The following EVC2 variants were observed in gnomAD, a reference collection of about 807,000 sequenced individuals.
EVC2 encodes limbin.
In EVC2, 148 loss-of-function variants were observed where a neutral mutation model predicts 149.3. The ratio of observed to expected loss-of-function variants is 0.99; its 90% confidence interval spans 0.87 to 1.14. EVC2 has a LOEUF of 1.14. EVC2 is among the 50% of genes most tolerant of loss of function. EVC2 has a pLI of 0.00. For missense variants in EVC2, 1,854 were observed against 1,627.3 expected (o/e 1.14, Z -2.40); for synonymous variants, 776 against 649.9 (o/e 1.19, Z -2.95).
chr4:5,606,675 C>T (rs544331696), intron 16 of EVC2, among the ~76,000 whole-genome samples: 33 of 152,022 alleles, frequency 2.2e-4, no homozygotes, highest in African/African-American at 7.7e-4. Context: ...CAGAGAAAAC[C>T]CAATCAATAG....
intron 8 of EVC2, 135 bp downstream of exon 8, chr4:5,665,380 G>A: frequency 7.5e-7 from 1 of 1,326,452 alleles, no homozygotes; most frequent in African/African-American, 1.4e-5. Context: ...TTGGAGGTGG[G>A]CCCTGGGCAT....
chr4:5,584,577 A>G, intron 17 of EVC2, 46 bp downstream of exon 17: 1 of 1,579,532 alleles, frequency 6.3e-7, no homozygotes, highest in Non-Finnish European at 8.6e-7. Context: ...TAGGTACCAG[A>G]AAGACCCAGC....
Position 5,670,263 on chromosome 4 carries a change from C to G in EVC2, c.871-4614G>C, listed in dbSNP as rs1224898004. On this transcript the variant is annotated intron_variant, in intron 7 of 21. Coordinates refer to ENST00000344408, the MANE Select transcript of EVC2 (RefSeq NM_147127.5). This position sits in a 1 kb window ranked among gnomAD's most constrained non-coding sequence, Gnocchi z 5.2. ...TCATAACTATCTTTACCATCACCAT[C>G]ATGATCAACATCTTCATTAACACCA... Among the ~76,000 whole-genome samples, 1 of 152,156 alleles carries G rather than the reference C, an allele frequency of 6.6e-6. No individual in the cohort carries two copies. Among genetic ancestry groups the G allele is most frequent in the East Asian group, 1.9e-4 (1 of 5,194 alleles).
chr4:5,534,056 C>T, the EVC2 span, among the ~76,000 whole-genome samples: 3 of 152,032 alleles, frequency 2.0e-5, no homozygotes, highest in Admixed American at 6.6e-5. Flanking sequence ...TTCTTAAGAG[C>T]GATGAGGAGG....
At chr4:5,675,464 T>C (rs1246223774) in intron 7 of EVC2, among the ~76,000 whole-genome samples, 1 of 152,138 alleles carries the variant, frequency 6.6e-6, no homozygotes, top group African/African-American at 2.4e-5. Context: ...TTTTGTTCCA[T>C]TGGTCTGATG....
At chr4:5,648,773 C>T (rs1195496064) in intron 9 of EVC2, among the ~76,000 whole-genome samples, 1 of 152,116 alleles carries the variant, frequency 6.6e-6, no homozygotes, top group African/African-American at 2.4e-5. Context: ...ATGTTAATCA[C>T]TATAGATAAT....
chr4:5,697,638 A>G lies in EVC2; in HGVS notation c.238T>C (p.Cys80Arg). The change falls in exon 2 of 22, where the codon TGT becomes CGT. Residue 80 changes from cysteine (C) to arginine (R), a missense_variant. Transcript: ENST00000344408. ...CATTCCACTTTGGGCCAAATCATAC[A>G]GGGCAAGTCCTAAAAAATTCAAGAC... Reference protein sequence around the residue: ...GPESSTQDLPCMIWPKVECCH... With the variant: ...GPESSTQDLPRMIWPKVECCH... The G allele has an allele frequency of 6.2e-7, 1 of 1,614,156 alleles. No individual in the cohort carries two copies. The highest frequency in any genetic ancestry group is 8.5e-7 in the Non-Finnish European group (1 of 1,179,996).
chr4:5,659,169 G>C (rs908553200), intron 9 of EVC2, among the ~76,000 whole-genome samples: 2 of 152,242 alleles, frequency 1.3e-5, no homozygotes, highest in South Asian at 4.1e-4. Context: ...TTGAAATGAG[G>C]GGGCAATCAA....
chr4:5,709,393 C>T (rs1368017787), upstream of EVC2: 1 of 152,292 alleles, frequency 6.6e-6, no homozygotes, highest in East Asian at 1.9e-4. Context: ...CGCCAGCCTT[C>T]CTGCGGGGCA....
intron 3 of EVC2, 117 bp from the exon 4 acceptor site, chr4:5,691,450 C>A (rs1472626744): frequency 7.9e-6 from 6 of 764,108 alleles, no homozygotes; most frequent in Non-Finnish European, 1.3e-5. Flanking sequence ...TGCTACTAAT[C>A]CTTAAGTAAT....
rs1291717875 is a variant in EVC2 at position 5,706,445 on chromosome 4, G to GATACATACATAC, written c.228+1829_228+1840dup. Among the ~76,000 whole-genome samples, 6 of 25,764 alleles carry GATACATACATAC rather than the reference G, an allele frequency of 2.3e-4. 1 individual carries two copies. Among genetic ancestry groups the GATACATACATAC allele is most frequent in the African/African-American group, 1.0e-3 (6 of 5,954 alleles). The allele number at this position is 25,764 out of a possible 152,430, so 16.9% of individuals were successfully genotyped here. The stretch of plus-strand genomic sequence containing the variant: ...AGATAGATACATAGATAGATAGATA[G>GATACATACATAC]ATACATACATACATACATACATACA... On this transcript the variant is annotated intron_variant, in intron 1 of 21. Transcript: ENST00000344408.
chr4:5,584,901 G>C (rs1712143517), intron 16 of EVC2, 51 bp from the exon 17 acceptor site: 2 of 1,591,998 alleles, frequency 1.3e-6, no homozygotes, highest in Non-Finnish European at 1.7e-6. Flanking sequence ...GAGTAGAGGA[G>C]GGTGGAGGAG....
chr4:5,592,394 T>C (rs901506146), intron 16 of EVC2, among the ~76,000 whole-genome samples: 3 of 152,114 alleles, frequency 2.0e-5, no homozygotes, highest in African/African-American at 7.2e-5. Flanking sequence ...CAACCTCCAG[T>C]GGCAAAAGAG....
At chr4:5,690,135 G>A (rs1177450380) in intron 4 of EVC2, among the ~76,000 whole-genome samples, 2 of 152,226 alleles carry the variant, frequency 1.3e-5, no homozygotes, top group Non-Finnish European at 2.9e-5. Flanking sequence ...ATACATGCAT[G>A]TGCACACACT....
At chr4:5,701,081 C>G (rs1284944829) in intron 1 of EVC2, among the ~76,000 whole-genome samples, 2 of 152,218 alleles carry the variant, frequency 1.3e-5, no homozygotes, top group Non-Finnish European at 2.9e-5. Flanking sequence ...CATTTCCTCT[C>G]CTTTTCCAGC....
chr4:5,636,138 G>A lies in EVC2; in HGVS notation c.1471-4106C>T, dbSNP rs1390335205. 1.3e-5 allele frequency among the ~76,000 whole-genome samples: 2 copies of A among 152,166 alleles called. No homozygotes were observed. The highest frequency in any genetic ancestry group is 4.8e-5 in the African/African-American group (2 of 41,442). ...CATGATTATCCCTGTCTTAAGGATG[G>A]GGAAAGGAGACCCAGGGTGACTGGG... On this transcript the variant is annotated intron_variant, in intron 10 of 21. Transcript: ENST00000344408. This position sits in a 1 kb window ranked among gnomAD's most constrained non-coding sequence, Gnocchi z 4.6.
intron 9 of EVC2, among the ~76,000 whole-genome samples, chr4:5,644,053 A>G (rs1463778589): frequency 6.6e-6 from 1 of 152,180 alleles, no homozygotes; most frequent in African/African-American, 2.4e-5. Context: ...CCTTTATTCT[A>G]GAACATTCTG....
intron 15 of EVC2, among the ~76,000 whole-genome samples, chr4:5,616,197 T>C (rs1333166221): frequency 1.3e-5 from 2 of 152,150 alleles, no homozygotes; most frequent in Non-Finnish European, 2.9e-5. Flanking sequence ...CCTCCCCACC[T>C]TCCCTCTCCC....
At chr4:5,631,450 C>G (rs772257764) in intron 11 of EVC2, among the ~76,000 whole-genome samples, 1 of 152,152 alleles carries the variant, frequency 6.6e-6, no homozygotes, top group Non-Finnish European at 1.5e-5. Context: ...CACGAGTCAG[C>G]TCATCAAATT....
Sources: allele counts gnomAD v4.1 joint callset (sites outside exome capture counted in the v4.1 genomes callset), GRCh38; gene constraint gnomAD v4.1.1; non-coding constraint Gnocchi (gnomAD v3.1); transcripts MANE v1.5; gene names NCBI Gene and HGNC (gene_info 2026-07-23, HGNC 2026-07-21).